Variants in SCFD2 observed in about 807,000 individuals in gnomAD.
SCFD2 encodes the protein sec1 family domain containing 2.
A neutral mutation model predicts 58.9 loss-of-function variants in SCFD2; 54 were observed. The ratio of observed to expected loss-of-function variants is 0.92; its 90% CI spans 0.74 to 1.15. SCFD2 has a LOEUF of 1.15. SCFD2 is among the 50% of genes most tolerant of loss of function. SCFD2 has a pLI of 0.00. For missense variants in SCFD2, 805 were observed against 836.6 expected (o/e 0.96, Z 0.47); for synonymous variants, 321 against 335.9 (o/e 0.96, Z 0.49).
chr4:53,178,547 A>G (rs1577807800), intron 4 of SCFD2, among the ~76,000 whole-genome samples: 2 of 152,052 alleles, frequency 1.3e-5, no homozygotes, highest in Non-Finnish European at 2.9e-5. Context: ...CAAAGATGGG[A>G]AAAAAACAGA....
At chr4:53,301,646 A>C (rs769537086) in intron 3 of SCFD2, among the ~76,000 whole-genome samples, 1 of 152,144 alleles carries the variant, frequency 6.6e-6, no homozygotes, top group Non-Finnish European at 1.5e-5. Flanking sequence ...GAGACACAAC[A>C]AAAAAAGGGA....
chr4:52,932,035 G>A (rs1362494939), intron 5 of SCFD2, among the ~76,000 whole-genome samples: 1 of 152,172 alleles, frequency 6.6e-6, no homozygotes, highest in Non-Finnish European at 1.5e-5. Flanking sequence ...AAGCTGTGAA[G>A]GATGACATCA....
chr4:53,304,044 T>A (rs938025713), intron 3 of SCFD2, among the ~76,000 whole-genome samples: 1 of 151,512 alleles, frequency 6.6e-6, no homozygotes, highest in Non-Finnish European at 1.5e-5. Context: ...TTGGCACATG[T>A]ATATATATGT....
chr4:52,969,329 T>A (rs1326480720), intron 5 of SCFD2, among the ~76,000 whole-genome samples: 1 of 152,254 alleles, frequency 6.6e-6, no homozygotes, highest in Admixed American at 6.5e-5. Flanking sequence ...TTGAATAATT[T>A]TTAACAACAT....
chr4:53,076,532 C>A (rs1437827301), intron 5 of SCFD2, among the ~76,000 whole-genome samples: 1 of 152,102 alleles, frequency 6.6e-6, no homozygotes, highest in African/African-American at 2.4e-5. Context: ...AGCAAATGCG[C>A]TGATATCTAG....
chr4:53,347,766 C>A (rs1321484446), intron 2 of SCFD2, among the ~76,000 whole-genome samples: 30 of 152,176 alleles, frequency 2.0e-4, no homozygotes, highest in Middle Eastern at 3.2e-3. Context: ...GACCAGGAAG[C>A]CAGATGGCAC....
intron 5 of SCFD2, among the ~76,000 whole-genome samples, chr4:52,938,340 G>A (rs1006214104): frequency 2.0e-5 from 3 of 152,144 alleles, no homozygotes; most frequent in Admixed American, 6.5e-5. Context: ...CAGGCAGTCT[G>A]AGCCCAGAGC....
chr4:53,331,710 T>C (rs1303476494), intron 2 of SCFD2, among the ~76,000 whole-genome samples: 2 of 152,000 alleles, frequency 1.3e-5, no homozygotes, highest in East Asian at 3.9e-4. Flanking sequence ...AGCAAACACA[T>C]TCCAAAGCTA....
intron 6 of SCFD2, among the ~76,000 whole-genome samples, chr4:52,917,777 G>A (rs544579052): frequency 1.2e-4 from 18 of 152,308 alleles, no homozygotes; most frequent in African/African-American, 3.1e-4. Context: ...TCGATGTAAC[G>A]CAGTTGGGAC....
chr4:53,238,063 C>G (rs1439669201), intron 4 of SCFD2, among the ~76,000 whole-genome samples: 2 of 133,000 alleles, frequency 1.5e-5, no homozygotes, highest in African/African-American at 2.9e-5. Context: ...CTGACCCCCC[C>G]ACCTCCCTCC....
intron 5 of SCFD2, among the ~76,000 whole-genome samples, chr4:52,998,288 C>T (rs1427271838): frequency 6.6e-6 from 1 of 152,198 alleles, no homozygotes; most frequent in African/African-American, 2.4e-5. Flanking sequence ...AGTGTGAGGT[C>T]AGACAGACAT....
At chr4:52,988,936 T>C (rs1341850794) in intron 5 of SCFD2, among the ~76,000 whole-genome samples, 1 of 152,230 alleles carries the variant, frequency 6.6e-6, no homozygotes, top group Non-Finnish European at 1.5e-5. Context: ...AAAATGATAA[T>C]TGCTACAATG....
intron 2 of SCFD2, among the ~76,000 whole-genome samples, chr4:53,318,963 T>G (rs1434090510): frequency 1.3e-5 from 2 of 152,186 alleles, no homozygotes; most frequent in East Asian, 3.8e-4. Flanking sequence ...TTAAGTAACC[T>G]CAATCTTTAA....
intron 4 of SCFD2, among the ~76,000 whole-genome samples, chr4:53,247,597 C>T (rs6820250): frequency 7.3e-5 from 11 of 151,598 alleles, no homozygotes; most frequent in Admixed American, 4.6e-4. Flanking sequence ...CGGTGGCTCA[C>T]GCCTGTAATC....
chr4:53,031,777 T>C (rs985178375), intron 5 of SCFD2, among the ~76,000 whole-genome samples: 2 of 152,302 alleles, frequency 1.3e-5, no homozygotes, highest in East Asian at 1.9e-4. Context: ...CTAAGAACTA[T>C]GGGACTAGGT....
chr4:53,004,281 A>G (rs1287608143), intron 5 of SCFD2, among the ~76,000 whole-genome samples: 1 of 152,220 alleles, frequency 6.6e-6, no homozygotes, highest in African/African-American at 2.4e-5. Flanking sequence ...ATTGGAGAGC[A>G]TGGAAAGGAA....
chr4:53,132,171 T>A (rs2148900396), intron 5 of SCFD2, among the ~76,000 whole-genome samples: 1 of 152,372 alleles, frequency 6.6e-6, no homozygotes, highest in South Asian at 2.1e-4. Context: ...GCTCTAAGTA[T>A]CTTTCTACAT....
intron 8 of SCFD2, among the ~76,000 whole-genome samples, chr4:52,879,225 C>T (rs1372443934): frequency 1.3e-5 from 2 of 152,212 alleles, no homozygotes; most frequent in Non-Finnish European, 2.9e-5. Context: ...GAGCTTGGCC[C>T]AGCCACCATA....
At chr4:53,046,642 C>G (rs1386202692) in intron 5 of SCFD2, among the ~76,000 whole-genome samples, 2 of 152,006 alleles carry the variant, frequency 1.3e-5, no homozygotes, top group African/African-American at 4.8e-5. Context: ...CCTGACACTC[C>G]CACTTCAACA....
Sources: allele counts gnomAD v4.1 joint callset (sites outside exome capture counted in the v4.1 genomes callset), GRCh38; gene constraint gnomAD v4.1.1; transcripts MANE v1.5; gene names NCBI Gene and HGNC (gene_info 2026-07-23, HGNC 2026-07-21).